Variants in PHF14 observed in about 807,000 individuals in gnomAD.
The protein encoded by PHF14 is PHD finger protein 14.
PHF14 carries 55 observed loss-of-function variants against 117.9 expected under a neutral mutation model. The ratio of observed to expected loss-of-function variants is 0.47; its 90% confidence interval spans 0.38 to 0.58. PHF14 has a LOEUF of 0.58. Ranked by LOEUF, PHF14 falls within the 20% of genes least tolerant of loss-of-function variation. The pLI is 0.00. For missense variants in PHF14, 978 were observed against 1,122.2 expected (o/e 0.87, Z 1.84); for synonymous variants, 409 against 368.6 (o/e 1.11, Z -1.26).
In PHF14 at chr7:11,030,220, T is replaced by C. The variant is rs567940513; in HGVS notation, c.1455+1402T>C. Among the ~76,000 whole-genome samples, 225 of 151,512 alleles carry C rather than the reference T, an allele frequency of 1.5e-3. 2 individuals carry two copies. The highest frequency in any genetic ancestry group is 5.3e-3 in the African/African-American group (217 of 41,242). ...AGTCTGGATTCCTCATAGCTACAAC[T>C]CAGGATGGTGGGCAAAAGTACGAGA... On this transcript the variant is annotated intron_variant, in intron 7 of 17. Transcript: ENST00000634607.
chr7:11,146,349 T>A (rs1788548359), intron 17 of PHF14, among the ~76,000 whole-genome samples: 1 of 152,162 alleles, frequency 6.6e-6, no homozygotes, highest in South Asian at 2.1e-4. Context: ...TTTTAACAGC[T>A]TCTATTCTTC....
At chr7:11,009,052 A>T (rs1012640341) in intron 4 of PHF14, among the ~76,000 whole-genome samples, 1 of 151,240 alleles carries the variant, frequency 6.6e-6, no homozygotes, top group African/African-American at 2.4e-5. Flanking sequence ...AAAAAAAAAA[A>T]GTCTTTTTTA....
intron 2 of PHF14, among the ~76,000 whole-genome samples, chr7:10,980,566 G>A (rs1782016089): frequency 1.3e-5 from 2 of 152,086 alleles, no homozygotes; most frequent in African/African-American, 4.8e-5. Context: ...GAAGTCACTT[G>A]TTTGTGAGTA....
At position 10,982,922 on chromosome 7, in the gene PHF14, A is replaced by G. The variant is rs1176139320; in HGVS notation, c.663A>G (p.Arg221=). ...ATTGGCGACCTACTGTAGTAAAGAG[A>G]AAAGGGAGATCTGCGTCTCAGAAAG... ...DNDWRPTVVK[R]KGRSASQKEG... Residue 221 remains arginine (R), a synonymous_variant, in exon 3 of 18, where the codon AGA becomes AGG. Coordinates refer to ENST00000634607, the MANE Select transcript of PHF14 (RefSeq NM_001007157.2). 6.2e-7 allele frequency: 1 copy of G among 1,611,622 alleles called. No individual in the cohort carries two copies. The highest frequency in any genetic ancestry group is 8.5e-7 in the Non-Finnish European group (1 of 1,178,592).
chr7:11,004,959 G>A (rs1031851257), intron 4 of PHF14, among the ~76,000 whole-genome samples: 40 of 152,002 alleles, frequency 2.6e-4, no homozygotes, highest in African/African-American at 9.4e-4. Context: ...GGAGGTTACA[G>A]TAAGCCAAGA....
chr7:11,120,757 T>C (rs1787727250), intron 17 of PHF14, among the ~76,000 whole-genome samples: 1 of 152,112 alleles, frequency 6.6e-6, no homozygotes, highest in Non-Finnish European at 1.5e-5. Flanking sequence ...TGCACTAATA[T>C]ATTTATTTTA....
chr7:11,022,257 A>T (rs1160013104), intron 5 of PHF14, among the ~76,000 whole-genome samples: 1 of 152,172 alleles, frequency 6.6e-6, no homozygotes, highest in Non-Finnish European at 1.5e-5. Flanking sequence ...TATAGATTGT[A>T]TGGTAAACAG....
intron 3 of PHF14, among the ~76,000 whole-genome samples, chr7:10,986,629 A>G (rs1008352905): frequency 6.6e-5 from 10 of 152,144 alleles, no homozygotes; most frequent in Admixed American, 3.9e-4. Context: ...CATTTTTTAA[A>G]TTTAGTGCAG....
At chr7:11,028,886 A>G (rs368312525) in intron 7 of PHF14, 68 bp downstream of exon 7, 6 of 1,224,282 alleles carry the variant, frequency 4.9e-6, no homozygotes, top group Non-Finnish European at 6.9e-6. Flanking sequence ...ATGTCCTATA[A>G]TAAGTGTAAA....
intron 17 of PHF14, among the ~76,000 whole-genome samples, chr7:11,134,061 G>A (rs566921915): frequency 2.0e-5 from 3 of 152,052 alleles, no homozygotes; most frequent in African/African-American, 7.2e-5. Context: ...CAGTGCCTGG[G>A]AAATTTTTCT....
chr7:11,046,166 T>A (rs914294590), intron 13 of PHF14, among the ~76,000 whole-genome samples: 5 of 152,222 alleles, frequency 3.3e-5, no homozygotes, highest in African/African-American at 9.6e-5. Context: ...TTAGTTTATG[T>A]TATTTTGATT....
In PHF14 at chr7:10,983,135, C is replaced by A; in HGVS notation, c.876C>A (p.Thr292=). 1.9e-6 allele frequency: 3 copies of A among 1,596,496 alleles called. No individual in the cohort carries two copies. Among genetic ancestry groups the A allele is most frequent in the Non-Finnish European group, 2.5e-6 (3 of 1,177,850 alleles). The stretch of plus-strand genomic sequence containing the variant: ...AGGAACTGACCAATGATAGCCTGAC[C>A]CTATCTCAAAGCAAGAGTAATGAGG... The part of the protein sequence containing the change: ...DDEELTNDSL[T]LSQSKSNEDS... Residue 292 remains threonine, a synonymous_variant, in exon 3 of 18, where the codon ACC becomes ACA. Coordinates refer to ENST00000634607, the MANE Select transcript of PHF14 (RefSeq NM_001007157.2).
chr7:11,150,498 G>T (rs1299517767), intron 17 of PHF14, among the ~76,000 whole-genome samples: 2 of 152,068 alleles, frequency 1.3e-5, no homozygotes, highest in African/African-American at 4.8e-5. Flanking sequence ...ACTACTGAAT[G>T]AATAAAAGAA....
At position 10,982,861 on chromosome 7, in the gene PHF14, A is replaced by G. The variant is rs1369763009; in HGVS notation, c.602A>G (p.Asn201Ser). 4 of 1,613,656 alleles carry G rather than the reference A, an allele frequency of 2.5e-6. No individual in the cohort carries two copies. The highest frequency in any genetic ancestry group is 3.4e-6 in the Non-Finnish European group (4 of 1,179,746). The stretch of plus-strand genomic sequence containing the variant: ...GATTTTGTGTCCATGGAAGAGCTGA[A>G]TGACATGGATGACTATGACAGTGAG... ...LLDFVSMEEL[N>S]DMDDYDSEDD... The change falls in exon 3 of 18, where the codon AAT becomes AGT. Residue 201 changes from asparagine (N) to serine (S), a missense_variant. Physicochemically the swap from Asn to Ser is conservative, Grantham distance 46. This residue lies in a region of PHF14 where 414 missense variants were observed against 376.4 expected (regional missense o/e 1.10). Transcript: ENST00000634607.
intron 16 of PHF14, among the ~76,000 whole-genome samples, chr7:11,089,297 G>A (rs1786549454): frequency 6.6e-6 from 1 of 152,208 alleles, no homozygotes; most frequent in African/African-American, 2.4e-5. Flanking sequence ...TAAATAAGGT[G>A]TAAGGATATG....
At chr7:11,105,004 C>T in intron 16 of PHF14, 1 of 900,902 alleles carries the variant, frequency 1.1e-6, no homozygotes, top group Non-Finnish European at 1.3e-6. Flanking sequence ...GCAACACATA[C>T]AATTTTTTTT....
At chr7:11,068,527 G>T in intron 16 of PHF14, among the ~76,000 whole-genome samples, 1 of 152,114 alleles carries the variant, frequency 6.6e-6, no homozygotes, top group East Asian at 1.9e-4. Flanking sequence ...GGTTTCCAGG[G>T]GGAAGGAGGA....
chr7:10,993,539 T>G (rs1242489063), intron 4 of PHF14, among the ~76,000 whole-genome samples: 2 of 152,234 alleles, frequency 1.3e-5, no homozygotes, highest in African/African-American at 2.4e-5. Context: ...TGAAATAGAA[T>G]GTACACATTG....
intron 6 of PHF14, among the ~76,000 whole-genome samples, chr7:11,028,059 A>G (rs561090179): frequency 1.8e-4 from 27 of 152,160 alleles, no homozygotes; most frequent in Non-Finnish European, 3.5e-4. Context: ...TGATAAATCC[A>G]TTGTAAGTTT....
Sources: gnomAD v4.1 joint callset for allele counts (sites outside exome capture counted in the v4.1 genomes callset) on GRCh38, gnomAD v4.1.1 for gene constraint, gnomAD v4.1.1 regional missense constraint, MANE v1.5 for transcripts, NCBI Gene and HGNC (gene_info 2026-07-23, HGNC 2026-07-21) for gene names.